MKNK1: variants seen among roughly 807,000 people sequenced by gnomAD.
MKNK1 encodes the protein MAPK interacting serine/threonine kinase 1.
In MKNK1, 30 loss-of-function variants were observed where a neutral mutation model predicts 49.3. That is an observed-to-expected ratio of 0.61 (90% confidence interval 0.46 to 0.83). The LOEUF (loss-of-function observed/expected upper bound fraction) is 0.83. MKNK1 is among the 40% of genes least tolerant of loss of function. The pLI is 0.00. For synonymous variants in MKNK1, 176 were observed against 201.7 expected (o/e 0.87, Z 1.08); for missense variants, 423 against 524.7 (o/e 0.81, Z 1.89).
intron 1 of MKNK1, chr1:46,594,801 C>A: frequency 2.7e-6 from 1 of 374,156 alleles, no homozygotes; most frequent in Non-Finnish European, 5.3e-6. Context: ...TCAAGACCAG[C>A]CTGGGCAACA....
intron 2 of MKNK1, among the ~76,000 whole-genome samples, chr1:46,586,540 GCA>G (rs1672600093): frequency 1.3e-5 from 2 of 152,220 alleles, no homozygotes; most frequent in South Asian, 4.1e-4. Context: ...ACAGATCATG[GCA>G]CAGTGTCAGA....
At chr1:46,603,825 C>G (rs1231657810) in intron 1 of MKNK1, among the ~76,000 whole-genome samples, 1 of 152,224 alleles carries the variant, frequency 6.6e-6, no homozygotes, top group Non-Finnish European at 1.5e-5. Context: ...TTAAAAATAA[C>G]GCAGTACACA....
Position 46,557,534 on chromosome 1 carries a change from T to C in MKNK1, c.*1041A>G, listed in dbSNP as rs557316178. On this transcript the variant is annotated 3_prime_UTR_variant, in exon 13 of 13. Coordinates refer to ENST00000371945, the MANE Select transcript of MKNK1 (RefSeq NM_001135553.4). The stretch of plus-strand genomic sequence containing the variant: ...TTATGTAACTCAATAGTTCCACTTA[T>C]CTGAATGGCTGTACCTTCATGCACA... The C allele has an allele frequency of 6.5e-6, 1 of 152,812 alleles. No homozygotes were observed. Among genetic ancestry groups the C allele is most frequent in the Non-Finnish European group, 1.5e-5 (1 of 68,048 alleles). The allele number at this position is 152,812 out of a possible 1,614,324, so 9.5% of individuals were successfully genotyped here.
At chr1:46,561,343 T>A in intron 11 of MKNK1, 135 bp downstream of exon 11, 2 of 977,146 alleles carry the variant, frequency 2.0e-6, no homozygotes, top group Non-Finnish European at 2.9e-6. Context: ...CTCTACACAC[T>A]CAGGGATAGA....
intron 4 of MKNK1, among the ~76,000 whole-genome samples, chr1:46,578,312 T>A (rs1388273799): frequency 1.3e-5 from 2 of 152,088 alleles, no homozygotes; most frequent in Non-Finnish European, 2.9e-5. Context: ...AAGCTAAGTA[T>A]TGTGGGGCCA....
intron 12 of MKNK1, among the ~76,000 whole-genome samples, chr1:46,559,263 G>T (rs1030954104): frequency 6.6e-5 from 10 of 152,250 alleles, no homozygotes; most frequent in African/African-American, 2.2e-4. Context: ...TTCTAAGGCG[G>T]ATCTGAGGTT....
chr1:46,562,935 G>C, intron 9 of MKNK1, 92 bp from the exon 10 acceptor site: 1 of 1,099,324 alleles, frequency 9.1e-7, no homozygotes, highest in Non-Finnish European at 1.3e-6. Flanking sequence ...GACTGTGATG[G>C]GACTGGAGCA....
At chr1:46,560,803 A>T (rs1270939650) in intron 11 of MKNK1, among the ~76,000 whole-genome samples, 3 of 152,024 alleles carry the variant, frequency 2.0e-5, no homozygotes, top group Admixed American at 2.0e-4. Context: ...AGACACTCAA[A>T]CTGGGTCCCC....
intron 1 of MKNK1, among the ~76,000 whole-genome samples, chr1:46,600,541 T>C (rs1674597527): frequency 6.6e-6 from 1 of 152,254 alleles, no homozygotes; most frequent in Admixed American, 6.5e-5. Flanking sequence ...CCTTCATCCA[T>C]TCTTCCAATA....
chr1:46,577,721 C>T (rs1671186079), intron 4 of MKNK1, among the ~76,000 whole-genome samples: 1 of 152,188 alleles, frequency 6.6e-6, no homozygotes, highest in Non-Finnish European at 1.5e-5. Flanking sequence ...ACCTGAGATG[C>T]TTGTCAAATG....
Position 46,558,653 on chromosome 1 carries a change from G to C in MKNK1, c.1161C>G (p.Cys387Trp), listed in dbSNP as rs1226210526. The C allele has an allele frequency of 6.2e-7, 1 of 1,614,174 alleles. No homozygotes were observed. Among genetic ancestry groups the C allele is most frequent in the Non-Finnish European group, 8.5e-7 (1 of 1,180,022 alleles). ...CCCGTCTCCGGGCCAGGCGTGACTT[G>C]CAGGGAGGGGAAAGCTTCATGGAGC... ...GLCSMKLSPP[C>W]KSRLARRRAL... The change falls in exon 13 of 13, where the codon TGC becomes TGG. Residue 387 changes from cysteine (C) to tryptophan (W), a missense_variant. Cys to Trp is a radical substitution (Grantham distance 215, BLOSUM62 -2). Transcript: ENST00000371945.
intron 2 of MKNK1, among the ~76,000 whole-genome samples, chr1:46,591,654 G>A (rs1257590630): frequency 6.6e-6 from 1 of 152,136 alleles, no homozygotes; most frequent in African/African-American, 2.4e-5. Flanking sequence ...AGCCCACGAG[G>A]CTCTCCAACC....
At chr1:46,596,718 T>C (rs1674110379) in intron 1 of MKNK1, among the ~76,000 whole-genome samples, 2 of 152,168 alleles carry the variant, frequency 1.3e-5, no homozygotes, top group Admixed American at 6.5e-5. Flanking sequence ...CTAATGTATA[T>C]AGAGCTCGTG....
intron 2 of MKNK1, among the ~76,000 whole-genome samples, chr1:46,587,089 C>G (rs1012959198): frequency 6.6e-6 from 1 of 152,216 alleles, no homozygotes; most frequent in East Asian, 1.9e-4. Flanking sequence ...GGATTACAGA[C>G]GTGAACCACT....
At chr1:46,594,605 C>A (rs1039211247) in intron 1 of MKNK1, among the ~76,000 whole-genome samples, 1 of 152,188 alleles carries the variant, frequency 6.6e-6, no homozygotes, top group Admixed American at 6.5e-5. Flanking sequence ...TTTTCAGATT[C>A]TGTTTCCATT....
Position 46,565,251 on chromosome 1 carries a change from G to A in MKNK1, c.514-115C>T, listed in dbSNP as rs1380345818. On this transcript the variant is annotated intron_variant, in intron 8 of 12. Coordinates refer to ENST00000371945, the MANE Select transcript of MKNK1 (RefSeq NM_001135553.4). The stretch of plus-strand genomic sequence containing the variant: ...TGGCTGTCACACCGCAGCTGGTTTT[G>A]TCAGGTCATGTTTGCTCTCCGGAGG... 7.8e-6 allele frequency: 7 copies of A among 903,002 alleles called. No individual in the cohort carries two copies. In the African/African-American group the frequency reaches 1.1e-4, roughly 15 times the overall value. The allele number at this position is 903,002 out of a possible 1,614,324, so 55.9% of individuals were successfully genotyped here. A position where few individuals can be genotyped will look rare whatever the true frequency, so the allele number is the denominator to read the frequency against.
chr1:46,580,348 G>A (rs1486228002), intron 4 of MKNK1, 182 bp downstream of exon 4: 6 of 588,818 alleles, frequency 1.0e-5, no homozygotes, highest in Non-Finnish European at 1.8e-5. Context: ...TGAGAAAACT[G>A]AAGGACAGAG....
intron 6 of MKNK1, chr1:46,574,742 C>T (rs999638691): frequency 1.7e-5 from 9 of 528,920 alleles, no homozygotes; most frequent in African/African-American, 5.8e-5. Flanking sequence ...TTATAAAATA[C>T]CCACACAGGT....
At chr1:46,583,174 C>A (rs1352220610) in intron 3 of MKNK1, 54 bp downstream of exon 3, 1 of 1,416,594 alleles carries the variant, frequency 7.1e-7, no homozygotes, top group African/African-American at 1.4e-5. Context: ...CCGGGATGCT[C>A]CTCCCATGCT....
Sources: allele counts gnomAD v4.1 joint callset (sites outside exome capture counted in the v4.1 genomes callset), GRCh38; gene constraint gnomAD v4.1.1; transcripts MANE v1.5; gene names NCBI Gene and HGNC (gene_info 2026-07-23, HGNC 2026-07-21).